The following TMEM178B variants were observed in gnomAD, a reference collection of about 807,000 sequenced individuals.
The protein encoded by TMEM178B is transmembrane protein 178B.
A neutral mutation model predicts 31.0 loss-of-function variants in TMEM178B; 5 were observed. The ratio of observed to expected loss-of-function variants is 0.16; its 90% CI spans 0.08 to 0.34. The LOEUF (loss-of-function observed/expected upper bound fraction) is 0.34. Ranked by LOEUF, TMEM178B falls within the 10% of genes least tolerant of loss-of-function variation. TMEM178B has a pLI of 1.00. For missense variants in TMEM178B, 275 were observed against 400.3 expected (o/e 0.69, Z 2.67); for synonymous variants, 164 against 164.0 (o/e 1.00, Z 0.00).
At chr7:141,499,650 CA>C in the TMEM178B span, among the ~76,000 whole-genome samples, 2 of 151,786 alleles carry the variant, frequency 1.3e-5, no homozygotes, top group African/African-American at 4.8e-5. Context: ...AAAAAACCAA[CA>C]AAAAAACCCC....
intron 3 of TMEM178B, among the ~76,000 whole-genome samples, chr7:141,469,746 T>C (rs1278196937): frequency 1.3e-5 from 2 of 152,248 alleles, no homozygotes; most frequent in African/African-American, 4.8e-5. Context: ...TAAACCATTT[T>C]ATATCATTCT....
chr7:141,333,165 T>C (rs1478644638), intron 2 of TMEM178B, among the ~76,000 whole-genome samples: 1 of 152,228 alleles, frequency 6.6e-6, no homozygotes, highest in African/African-American at 2.4e-5. Context: ...AATTCTATGG[T>C]GTTGAAAACA....
chr7:141,480,263 A>G lies in TMEM178B; in HGVS notation c.*9477A>G, dbSNP rs1243682072. 6.6e-6 allele frequency: 1 copy of G among 152,220 alleles called. No homozygotes were observed. Among genetic ancestry groups the G allele is most frequent in the African/African-American group, 2.4e-5 (1 of 41,456 alleles). The allele number at this position is 152,220 out of a possible 1,614,324, so 9.4% of individuals were successfully genotyped here. A position where few individuals can be genotyped will look rare whatever the true frequency, so the allele number is the denominator to read the frequency against. ...TTGTATTTCCATTGATTGAAGAAAA[A>G]CAAGTGTCTGGTAATTAATTAAATG... On this transcript the variant is annotated 3_prime_UTR_variant, in exon 4 of 4. Transcript: ENST00000565468.
chr7:141,216,446 TGTGCGCGCGCGCGCGC>T (rs141948879), intron 2 of TMEM178B, among the ~76,000 whole-genome samples: 1 of 53,424 alleles, frequency 1.9e-5, no homozygotes, highest in African/African-American at 4.5e-5. Context: ...TGTGTGTGTG[TGTGCGCGCGCGCGCGC>T]GTGTGTGTGT....
chr7:141,175,603 GT>G (rs1305127622), intron 1 of TMEM178B, among the ~76,000 whole-genome samples: 2 of 152,110 alleles, frequency 1.3e-5, no homozygotes, highest in Non-Finnish European at 2.9e-5. Flanking sequence ...AGCATATAAT[GT>G]TTTTCCATTT....
intron 1 of TMEM178B, among the ~76,000 whole-genome samples, chr7:141,155,837 G>C (rs1586799798): frequency 6.6e-6 from 1 of 152,192 alleles, no homozygotes; most frequent in South Asian, 2.1e-4. Flanking sequence ...AGCTGAGGCG[G>C]GTGGATCACC....
intron 1 of TMEM178B, among the ~76,000 whole-genome samples, chr7:141,208,367 G>GT (rs1796999879): frequency 6.6e-6 from 1 of 152,154 alleles, no homozygotes; most frequent in Non-Finnish European, 1.5e-5. Context: ...TTCCTTCCAG[G>GT]TAGCCCCTCT....
chr7:141,349,278 C>T (rs570320438), intron 2 of TMEM178B, among the ~76,000 whole-genome samples: 251 of 152,106 alleles, frequency 1.7e-3, no homozygotes, highest in African/African-American at 5.5e-3. Context: ...TTCAGATTGT[C>T]AAAAGACACT....
At chr7:141,494,349 T>C in the TMEM178B span, among the ~76,000 whole-genome samples, 2 of 152,218 alleles carry the variant, frequency 1.3e-5, no homozygotes, top group Admixed American at 6.5e-5. Context: ...ACAGGCTTTT[T>C]CCTATTCCTT....
chr7:141,463,370 A>G (rs1019064238), intron 3 of TMEM178B, among the ~76,000 whole-genome samples: 6 of 152,202 alleles, frequency 3.9e-5, no homozygotes, highest in Admixed American at 2.6e-4. Context: ...TTTGCCATCC[A>G]AAGGACAGTT....
intron 1 of TMEM178B, among the ~76,000 whole-genome samples, chr7:141,120,670 AC>A (rs1563093051): frequency 6.6e-6 from 1 of 152,118 alleles, no homozygotes; most frequent in African/African-American, 2.4e-5. Flanking sequence ...AAAATAATAT[AC>A]TTTGCTGGAT....
chr7:141,384,114 A>T (rs1006660388), intron 2 of TMEM178B, among the ~76,000 whole-genome samples: 1 of 152,124 alleles, frequency 6.6e-6, no homozygotes, highest in Admixed American at 6.5e-5. Context: ...GATTCCGGAT[A>T]TTAGCCCTTT....
chr7:141,075,519 A>C (rs535004415), intron 1 of TMEM178B, among the ~76,000 whole-genome samples: 10 of 152,380 alleles, frequency 6.6e-5, no homozygotes, highest in Non-Finnish European at 1.3e-4. Context: ...TACTTAAAAA[A>C]TTCTGCTTAT....
At chr7:141,469,695 C>G (rs1013308190) in intron 3 of TMEM178B, among the ~76,000 whole-genome samples, 1 of 152,156 alleles carries the variant, frequency 6.6e-6, no homozygotes, top group African/African-American at 2.4e-5. Context: ...TTTAGGCACA[C>G]CAAAAACTTG....
chr7:141,188,238 A>G (rs1796643455), intron 1 of TMEM178B, among the ~76,000 whole-genome samples: 1 of 152,174 alleles, frequency 6.6e-6, no homozygotes, highest in Non-Finnish European at 1.5e-5. Context: ...TTGGATCATC[A>G]CAACCACCCC....
chr7:141,477,205 T>A lies in TMEM178B; in HGVS notation c.*6419T>A, dbSNP rs1367932607. 6.5e-6 allele frequency: 1 copy of A among 154,848 alleles called. No homozygotes were observed. The highest frequency in any genetic ancestry group is 1.5e-5 in the Non-Finnish European group (1 of 68,242). 9.6% of individuals were successfully genotyped at this position (154,848 alleles called of 1,614,324 possible). On this transcript the variant is annotated 3_prime_UTR_variant, in exon 4 of 4. Transcript: ENST00000565468. Reference sequence around the variant, plus strand: ...AGCTTTCATGAACTCATTCTCATACTCCTTCCCCATTTCCACCCATGGTGT... The same window carrying A: ...AGCTTTCATGAACTCATTCTCATACACCTTCCCCATTTCCACCCATGGTGT...
In TMEM178B at chr7:141,435,085, T is replaced by G. The variant is rs537613303; in HGVS notation, c.497-2523T>G. Among the ~76,000 whole-genome samples, 11 of 152,284 alleles carry G rather than the reference T, an allele frequency of 7.2e-5. No individual in the cohort carries two copies. The East Asian group carries it at 2.1e-3, about 29-fold the overall frequency. On this transcript the variant is annotated intron_variant, in intron 2 of 3. Transcript: ENST00000565468. ...TAGAGAACCCAGAAATCCACATATTTATAGCCAACTGATTTTCAACAAAGG... is the reference window on the plus strand; with the variant it reads ...TAGAGAACCCAGAAATCCACATATTGATAGCCAACTGATTTTCAACAAAGG...
chr7:141,250,639 ACTT>A (rs1306638764), intron 2 of TMEM178B, among the ~76,000 whole-genome samples: 3 of 152,028 alleles, frequency 2.0e-5, no homozygotes, highest in African/African-American at 4.8e-5. Flanking sequence ...ATCCCCCTGG[ACTT>A]CTTGACATTT....
intron 2 of TMEM178B, among the ~76,000 whole-genome samples, chr7:141,411,610 G>A (rs1254042977): frequency 6.6e-6 from 1 of 152,110 alleles, no homozygotes; most frequent in Non-Finnish European, 1.5e-5. Context: ...TATAATTTGG[G>A]TTGTTCACAA....
Sources: gnomAD v4.1 joint callset for allele counts (sites outside exome capture counted in the v4.1 genomes callset) on GRCh38, gnomAD v4.1.1 for gene constraint, MANE v1.5 for transcripts, NCBI Gene and HGNC (gene_info 2026-07-23, HGNC 2026-07-21) for gene names.